Variants in C11orf65 observed in about 807,000 individuals in gnomAD.
C11orf65 encodes the protein protein MFI.
Under a neutral mutation model 35.3 loss-of-function variants are expected in C11orf65, and 38 were observed. That is an observed-to-expected ratio of 1.08 (90% CI 0.83 to 1.41). The LOEUF is 1.41. Among genes scored for constraint, C11orf65 ranks in the 40% most tolerant of loss-of-function variants. C11orf65 has a pLI of 0.00. For missense variants in C11orf65, 370 were observed against 367.1 expected (o/e 1.01, Z -0.06); for synonymous variants, 105 against 114.4 (o/e 0.92, Z 0.53).
intron 2 of C11orf65, among the ~76,000 whole-genome samples, chr11:108,341,242 G>A (rs2087533604): frequency 6.6e-6 from 1 of 152,060 alleles, no homozygotes; most frequent in Non-Finnish European, 1.5e-5. Flanking sequence ...TGCCTGCAAT[G>A]CTTTTCCCTC....
chr11:108,408,816 G>C (rs2092604794), intron 3 of C11orf65, among the ~76,000 whole-genome samples: 1 of 151,430 alleles, frequency 6.6e-6, no homozygotes, highest in African/African-American at 2.4e-5. Flanking sequence ...AAAAATTCTT[G>C]GTCCTTTATC....
At chr11:108,469,823 T>C (rs2093564846), upstream of C11orf65, among the ~76,000 whole-genome samples, 1 of 152,158 alleles carries the variant, frequency 6.6e-6, no homozygotes, top group South Asian at 2.1e-4. Flanking sequence ...TGCTTAAATC[T>C]AGGAACAGTT....
intron 2 of C11orf65, chr11:108,345,603 A>G: frequency 1.4e-6 from 1 of 694,008 alleles, no homozygotes; most frequent in Non-Finnish European, 2.3e-6. Flanking sequence ...TTCCCTGTCC[A>G]GACTGTTAGC....
At chr11:108,382,720 C>G, downstream of C11orf65, 1 of 954,646 alleles carries the variant, frequency 1.0e-6, no homozygotes, top group Non-Finnish European at 1.2e-6. Flanking sequence ...CTAAATGCCT[C>G]AAGTAAACAT....
intron 2 of C11orf65, among the ~76,000 whole-genome samples, chr11:108,359,173 C>G (rs2090404468): frequency 6.6e-6 from 1 of 150,986 alleles, no homozygotes; most frequent in Admixed American, 6.6e-5. Flanking sequence ...AGACTTTAAA[C>G]CAACAAAGAT....
At chr11:108,436,011 T>C (rs951559477) in intron 2 of C11orf65, among the ~76,000 whole-genome samples, 12 of 150,648 alleles carry the variant, frequency 8.0e-5, no homozygotes, top group Non-Finnish European at 1.5e-4. Context: ...ATAAAGGACA[T>C]AGAAGAGTCA....
Position 108,316,069 on chromosome 11 carries a change from G to A in C11orf65, c.641-6998C>T, listed in dbSNP as rs202206540. On this transcript the variant is annotated intron_variant, in intron 6 of 6. Transcript: ENST00000525729. ...CAAAGCCCTAGTAACATATGACCTC[G>A]AAACAGCAATCCCCTCATCAACACG... is the stretch of plus-strand genomic sequence containing the variant. The A allele has an allele frequency of 3.0e-5, 49 of 1,614,038 alleles. 1 individual carries two copies. In the South Asian group the frequency reaches 4.3e-4, roughly 14 times the overall value.
At chr11:108,460,682 C>A (rs2093462477) in intron 2 of C11orf65, among the ~76,000 whole-genome samples, 1 of 152,122 alleles carries the variant, frequency 6.6e-6, no homozygotes, top group African/African-American at 2.4e-5. Context: ...ATTTGTGCAG[C>A]TAGTGAAATA....
rs537345228 is a variant in C11orf65 at position 108,368,535 on chromosome 11, CA to C, written c.226+24672del. Reference sequence around the variant, plus strand: ...ATTTGGAGAAATAAGTTGTCCAAGGCAAGAAGATAGTAAATTATAAGTACAA... The same window carrying C: ...ATTTGGAGAAATAAGTTGTCCAAGGCAGAAGATAGTAAATTATAAGTACAA... On this transcript the variant is annotated intron_variant, in intron 2 of 3. Coordinates refer to the C11orf65 transcript ENST00000524755. 17 of 217,112 alleles carry C rather than the reference CA, an allele frequency of 7.8e-5. No individual in the cohort carries two copies. In the East Asian group the frequency reaches 8.9e-4, roughly 11 times the overall value. The allele number at this position is 217,112 out of a possible 1,614,324, so 13.4% of individuals were successfully genotyped here.
chr11:108,340,246 C>T (rs1389969226), intron 2 of C11orf65: 1 of 152,194 alleles, frequency 6.6e-6, no homozygotes, highest in African/African-American at 2.4e-5. Context: ...CACTCAGTTT[C>T]AGCAGTTACC....
intron 2 of C11orf65, among the ~76,000 whole-genome samples, chr11:108,445,582 T>G (rs1255702223): frequency 1.3e-5 from 2 of 152,040 alleles, no homozygotes; most frequent in Non-Finnish European, 2.9e-5. Context: ...GAAGGAAAAC[T>G]AACAAATAGA....
At chr11:108,358,100 AG>A (rs1201480143) in intron 2 of C11orf65, among the ~76,000 whole-genome samples, 1 of 151,052 alleles carries the variant, frequency 6.6e-6, no homozygotes, top group Non-Finnish European at 1.5e-5. Context: ...AAGTGCTTAA[AG>A]GAGCTGATGG....
intron 6 of C11orf65, chr11:108,319,893 A>G: frequency 4.2e-6 from 5 of 1,185,356 alleles, no homozygotes; most frequent in Non-Finnish European, 6.3e-6. Flanking sequence ...GAAGCTATTT[A>G]TACATGTATA....
At chr11:108,381,027 G>C (rs1053618705), downstream of C11orf65, among the ~76,000 whole-genome samples, 4 of 152,188 alleles carry the variant, frequency 2.6e-5, no homozygotes, top group Admixed American at 2.0e-4. Context: ...GAAACTATTA[G>C]AATGTTAAAT....
At chr11:108,372,919 T>TA (rs927234325) in intron 2 of C11orf65, among the ~76,000 whole-genome samples, 13 of 148,390 alleles carry the variant, frequency 8.8e-5, no homozygotes, top group South Asian at 2.1e-4. Context: ...ACCAAAGATT[T>TA]AAAAAAAAAA....
upstream of C11orf65, among the ~76,000 whole-genome samples, chr11:108,468,140 C>A (rs2093558793): frequency 6.6e-6 from 1 of 152,144 alleles, no homozygotes; most frequent in Non-Finnish European, 1.5e-5. Flanking sequence ...ACCACCGCGC[C>A]CGGCCTATTT....
intron 6 of C11orf65, 142 bp downstream of exon 6, chr11:108,405,287 T>A (rs1017903236): frequency 1.3e-6 from 1 of 749,598 alleles, no homozygotes; most frequent in Non-Finnish European, 2.1e-6. Flanking sequence ...AGTGTGCGTT[T>A]TATTCATCTG....
At chr11:108,462,719 A>G (rs1487188552) in intron 1 of C11orf65, 1 of 152,240 alleles carries the variant, frequency 6.6e-6, no homozygotes, top group East Asian at 1.9e-4. Context: ...CTTAGTCTTA[A>G]GAGTTATTAA....
At chr11:108,320,539 A>C (rs565014023) in intron 6 of C11orf65, among the ~76,000 whole-genome samples, 38 of 152,334 alleles carry the variant, frequency 2.5e-4, no homozygotes, top group Admixed American at 2.0e-4. Context: ...ACTATCATTT[A>C]AGTGCCTATG....
Sources: gnomAD v4.1 joint callset for allele counts (sites outside exome capture counted in the v4.1 genomes callset) on GRCh38, gnomAD v4.1.1 for gene constraint, MANE v1.5 for transcripts, NCBI Gene and HGNC (gene_info 2026-07-23, HGNC 2026-07-21) for gene names.